The following NCOA2 variants were observed in gnomAD, a reference collection of about 807,000 sequenced individuals.
The protein encoded by NCOA2 is class E basic helix-loop-helix protein 75.
A neutral mutation model predicts 145.1 loss-of-function variants in NCOA2; 21 were observed. The ratio of observed to expected loss-of-function variants is 0.14; its 90% CI spans 0.10 to 0.21. NCOA2 has a LOEUF of 0.21. Ranked by LOEUF, NCOA2 falls within the 10% of genes least tolerant of loss-of-function variation. The pLI is 1.00. For synonymous variants in NCOA2, 619 were observed against 637.5 expected, an observed-to-expected ratio of 0.97 and a Z score of 0.44; for missense variants, 1,472 against 1,837.6, an observed-to-expected ratio of 0.80 and a Z score of 3.64.
chr8:70,314,780 C>T (rs1217301261), intron 1 of NCOA2, among the ~76,000 whole-genome samples: 1 of 152,158 alleles, frequency 6.6e-6, no homozygotes, highest in Non-Finnish European at 1.5e-5. Context: ...TTGTCTTTCT[C>T]AGTTATATAA....
intron 1 of NCOA2, among the ~76,000 whole-genome samples, chr8:70,312,813 T>A (rs116572050): frequency 0.011 from 1,599 of 152,146 alleles, 48 homozygotes; most frequent in African/African-American, 0.037. Flanking sequence ...AGAACTATGG[T>A]AAAAAATCTT....
At chr8:70,317,874 A>C (rs1176767218) in intron 1 of NCOA2, among the ~76,000 whole-genome samples, 1 of 152,128 alleles carries the variant, frequency 6.6e-6, no homozygotes, top group East Asian at 1.9e-4. Context: ...GCAGTGAGCT[A>C]CGATCATGTC....
At chr8:70,409,446 A>C in the NCOA2 span, among the ~76,000 whole-genome samples, 5 of 152,372 alleles carry the variant, frequency 3.3e-5, no homozygotes, top group African/African-American at 1.2e-4. Context: ...AAATAAATTC[A>C]ATGGAAAAAG....
intron 2 of NCOA2, among the ~76,000 whole-genome samples, chr8:70,273,146 C>T (rs538571860): frequency 5.8e-4 from 88 of 152,164 alleles, no homozygotes; most frequent in African/African-American, 2.1e-3. Flanking sequence ...TGCCAAGGCA[C>T]ACCTATAATT....
chr8:70,280,039 T>G lies in NCOA2; in HGVS notation c.-20+16705A>C, dbSNP rs57627450. ...GCCAAGGAGTCCATGACTACACACA[T>G]CAAGAATCTATCTTCTTGTGTTAGT... On this transcript the variant is annotated intron_variant, in intron 2 of 22. Transcript: ENST00000452400. Among the ~76,000 whole-genome samples, 428 of 152,328 alleles carry G rather than the reference T, an allele frequency of 2.8e-3. 1 individual carries two copies. The highest frequency in any genetic ancestry group is 0.024 in the Middle Eastern group (7 of 294).
Position 70,156,576 on chromosome 8 carries a change from T to C in NCOA2, c.1789A>G (p.Thr597Ala), listed in dbSNP as rs745782507. 1.8e-5 allele frequency: 29 copies of C among 1,613,852 alleles called. No homozygotes were observed. Among genetic ancestry groups the C allele is most frequent in the Non-Finnish European group, 2.4e-5 (28 of 1,179,886 alleles). The change falls in exon 11 of 23, where the codon ACT (threonine) becomes GCT (alanine). Residue 597 changes from threonine to alanine, a missense_variant. By Grantham distance (58) the Thr-to-Ala change is moderately conservative. Transcript: ENST00000452400. The part of the protein sequence containing the change: ...GLYGEPSEGT[T>A]GQAESSCHPG... ...TGGCAGCTGCTCTCTGCTTGTCCAG[T>C]TGTACCTTCAGAGGGCTCCCCATAT... is the stretch of plus-strand genomic sequence containing the variant.
rs147420913 is a variant in NCOA2, at chr8:70,295,526, T to C, written c.-20+1218A>G. Among the ~76,000 whole-genome samples, 6 of 152,342 alleles carry C rather than the reference T, an allele frequency of 3.9e-5. No individual in the cohort carries two copies. The East Asian group carries it at 1.2e-3, about 29-fold the overall frequency. ...AAATGTGGAATTGGAAGAGTTATCT[T>C]CTTAATTCTACCCTGATTAAGCATA... is the stretch of plus-strand genomic sequence containing the variant. On this transcript the variant is annotated intron_variant, in intron 2 of 22. Transcript: ENST00000452400.
At position 70,156,508 on chromosome 8, in the gene NCOA2, C is replaced by G; in HGVS notation, c.1857G>C (p.Pro619=). The G allele has an allele frequency of 6.2e-7, 1 of 1,613,786 alleles. No individual in the cohort carries two copies. Among genetic ancestry groups the G allele is most frequent in the African/African-American group, 1.3e-5 (1 of 75,026 alleles). Residue 619 remains proline (P), a synonymous_variant, in exon 11 of 23, where the codon CCG becomes CCC. Coordinates refer to ENST00000452400, the MANE Select transcript of NCOA2 (RefSeq NM_006540.4). Reference sequence around the variant, plus strand: ...CGTCAGCTCTCTCACTGCTCACGGCCGGGGGCAGGTTGGGGTCATTTGTTT... The same window carrying G: ...CGTCAGCTCTCTCACTGCTCACGGCGGGGGGCAGGTTGGGGTCATTTGTTT... The part of the protein sequence containing the change: ...QKETNDPNLP[P]AVSSERADGQ...
intron 4 of NCOA2, among the ~76,000 whole-genome samples, chr8:70,177,924 T>C (rs1360647358): frequency 6.6e-6 from 1 of 152,208 alleles, no homozygotes. Context: ...AATGTTGCAT[T>C]TTTGGGCAAA....
chr8:70,225,320 C>G (rs909967097), intron 2 of NCOA2, among the ~76,000 whole-genome samples: 5 of 151,930 alleles, frequency 3.3e-5, no homozygotes, highest in African/African-American at 1.2e-4. Flanking sequence ...GGAGCCGGTG[C>G]AGGTGGACCA....
Position 70,156,976 on chromosome 8 carries a change from A to G in NCOA2, c.1389T>C (p.Tyr463=), listed in dbSNP as rs779206585. 6.2e-7 allele frequency: 1 copy of G among 1,614,044 alleles called. No individual in the cohort carries two copies. Among genetic ancestry groups the G allele is most frequent in the Non-Finnish European group, 8.5e-7 (1 of 1,179,892 alleles). ...GTGAGGGGCTGTTCATTTTGAGTGC[A>G]TAGTTACTACCCTGAGGAGTGGTTG... The part of the protein sequence containing the change: ...MQATTPQGSN[Y]ALKMNSPSQS... The change falls in exon 11 of 23, where the codon TAT becomes TAC. Residue 463 remains tyrosine (Y), a synonymous_variant. Transcript: ENST00000452400.
chr8:70,364,975 T>C (rs1395587962), intron 1 of NCOA2, among the ~76,000 whole-genome samples: 1 of 152,128 alleles, frequency 6.6e-6, no homozygotes, highest in Non-Finnish European at 1.5e-5. Flanking sequence ...AGTGATGTGG[T>C]TAAGAAATTT....
the NCOA2 span, among the ~76,000 whole-genome samples, chr8:70,419,877 G>A: frequency 3.4e-4 from 51 of 152,074 alleles, no homozygotes; most frequent in Admixed American, 3.3e-4. Context: ...CATGAATGAC[G>A]ACAGTTTTTA....
At chr8:70,376,989 T>C (rs1811732794) in intron 1 of NCOA2, among the ~76,000 whole-genome samples, 1 of 152,084 alleles carries the variant, frequency 6.6e-6, no homozygotes, top group Admixed American at 6.5e-5. Flanking sequence ...TCAATCTAAA[T>C]TTTGAAAAAT....
intron 1 of NCOA2, among the ~76,000 whole-genome samples, chr8:70,385,841 T>G (rs924563315): frequency 1.3e-5 from 2 of 152,182 alleles, no homozygotes; most frequent in South Asian, 2.1e-4. Flanking sequence ...AAAAAAAAAC[T>G]AATCATAGTA....
At chr8:70,131,495 G>A (rs755305005) in intron 16 of NCOA2, among the ~76,000 whole-genome samples, 1 of 152,188 alleles carries the variant, frequency 6.6e-6, no homozygotes, top group Non-Finnish European at 1.5e-5. Context: ...AAGCGTTCTA[G>A]GTCACAAGGC....
intron 1 of NCOA2, among the ~76,000 whole-genome samples, chr8:70,381,814 C>T (rs1812217563): frequency 6.6e-6 from 1 of 152,144 alleles, no homozygotes; most frequent in Admixed American, 6.5e-5. Flanking sequence ...TACTGGGTGG[C>T]TTACCCATGT....
intron 1 of NCOA2, among the ~76,000 whole-genome samples, chr8:70,351,773 T>TTA (rs1189644377): frequency 1.4e-5 from 2 of 147,712 alleles, no homozygotes; most frequent in African/African-American, 2.5e-5. Context: ...TTTTTTTTTT[T>TTA]AAGTAGAGAT....
At chr8:70,421,415 A>G in the NCOA2 span, among the ~76,000 whole-genome samples, 2 of 152,036 alleles carry the variant, frequency 1.3e-5, no homozygotes, top group Non-Finnish European at 2.9e-5. Context: ...ACAATTAGCC[A>G]GGTGTGGTAG....
Sources: gnomAD v4.1 joint callset for allele counts (sites outside exome capture counted in the v4.1 genomes callset) on GRCh38, gnomAD v4.1.1 for gene constraint, MANE v1.5 for transcripts, NCBI Gene and HGNC (gene_info 2026-07-23, HGNC 2026-07-21) for gene names.